Variants in LRRC69 observed in about 807,000 individuals in gnomAD.
LRRC69 encodes the protein leucine rich repeat containing 69.
In LRRC69, 42 loss-of-function variants were observed where a neutral mutation model predicts 37.8. That is an observed-to-expected ratio of 1.11 (90% confidence interval 0.87 to 1.44). The LOEUF is 1.44. Among genes scored for constraint, LRRC69 ranks in the 40% most tolerant of loss-of-function variants. The pLI is 0.00. For missense variants in LRRC69, 357 were observed against 401.9 expected (o/e 0.89, Z 0.96); for synonymous variants, 141 against 143.1 (o/e 0.99, Z 0.11).
At chr8:91,197,437 C>T (rs1490996582) in intron 6 of LRRC69, among the ~76,000 whole-genome samples, 1 of 152,148 alleles carries the variant, frequency 6.6e-6, no homozygotes, top group South Asian at 2.1e-4. Flanking sequence ...CGCCCCTCCC[C>T]CAGCCTCGCT....
At chr8:91,136,422 A>G (rs766854073) in intron 5 of LRRC69, among the ~76,000 whole-genome samples, 1 of 152,010 alleles carries the variant, frequency 6.6e-6, no homozygotes, top group African/African-American at 2.4e-5. Flanking sequence ...GCAATATTTT[A>G]TACTGAAGGT....
intron 5 of LRRC69, among the ~76,000 whole-genome samples, chr8:91,155,195 C>T (rs1203192176): frequency 6.6e-6 from 1 of 150,912 alleles, no homozygotes; most frequent in Non-Finnish European, 1.5e-5. Flanking sequence ...TCAAGGAGAA[C>T]CATTTGTCTA....
intron 1 of LRRC69, among the ~76,000 whole-genome samples, chr8:91,124,024 A>G (rs777682723): frequency 5.1e-4 from 77 of 151,926 alleles, no homozygotes; most frequent in Admixed American, 2.6e-3. Flanking sequence ...GGCTGTGTAC[A>G]TGTAATAGAG....
At chr8:91,179,024 A>G (rs1260646370) in intron 5 of LRRC69, among the ~76,000 whole-genome samples, 1 of 152,238 alleles carries the variant, frequency 6.6e-6, no homozygotes, top group Non-Finnish European at 1.5e-5. Flanking sequence ...TATATTCTGC[A>G]TCTGTAAATA....
At chr8:91,177,324 T>C (rs1304955412) in intron 5 of LRRC69, among the ~76,000 whole-genome samples, 1 of 152,162 alleles carries the variant, frequency 6.6e-6, no homozygotes, top group Non-Finnish European at 1.5e-5. Flanking sequence ...GTGAAGATAT[T>C]CTAGGAAAGA....
Position 91,151,050 on chromosome 8 carries a change from T to G in LRRC69, c.651+15311T>G, listed in dbSNP as rs549639436. 1.4e-4 allele frequency among the ~76,000 whole-genome samples: 21 copies of G among 151,832 alleles called. 1 individual carries two copies. The South Asian group carries it at 4.4e-3, about 32-fold the overall frequency. On this transcript the variant is annotated intron_variant, in intron 5 of 7. Transcript: ENST00000448384. The stretch of plus-strand genomic sequence containing the variant: ...TCAAAAAACCAGCTCCTGGATTCAT[T>G]GATTTTTTGAAGGGTTTTTTGTGTC...
At chr8:91,111,500 C>G (rs1363875936) in intron 1 of LRRC69, among the ~76,000 whole-genome samples, 1 of 151,974 alleles carries the variant, frequency 6.6e-6, no homozygotes, top group Non-Finnish European at 1.5e-5. Context: ...TGCCACTGCA[C>G]TCCAGCCTGG....
intron 7 of LRRC69, among the ~76,000 whole-genome samples, chr8:91,204,702 G>A (rs906578637): frequency 6.6e-6 from 1 of 152,216 alleles, no homozygotes; most frequent in African/African-American, 2.4e-5. Context: ...TGCTGATAAT[G>A]TATTCTTACT....
chr8:91,140,556 A>G (rs182977593), intron 5 of LRRC69, among the ~76,000 whole-genome samples: 1 of 152,024 alleles, frequency 6.6e-6, no homozygotes, highest in Admixed American at 6.6e-5. Flanking sequence ...ATACTGCATA[A>G]AGAAATACGT....
chr8:91,116,772 A>G (rs1813517908), intron 1 of LRRC69, among the ~76,000 whole-genome samples: 1 of 151,798 alleles, frequency 6.6e-6, no homozygotes, highest in South Asian at 2.1e-4. Flanking sequence ...TCAGCTTGGC[A>G]CAGTGTTTCA....
At chr8:91,203,208 A>AGT (rs142831953) in intron 7 of LRRC69, among the ~76,000 whole-genome samples, 1 of 151,424 alleles carries the variant, frequency 6.6e-6, no homozygotes. Context: ...GTTAGCTGTG[A>AGT]GTGTGTGTGT....
At chr8:91,182,005 G>T (rs1042788854) in intron 5 of LRRC69, among the ~76,000 whole-genome samples, 1 of 152,076 alleles carries the variant, frequency 6.6e-6, no homozygotes, top group Non-Finnish European at 1.5e-5. Flanking sequence ...TATCAGCTTT[G>T]ATATTGACAG....
chr8:91,191,286 A>G lies in LRRC69; in HGVS notation c.753+1663A>G, dbSNP rs79648651. ...ACATCTCATTTGAAATTTAATAGTA[A>G]ATAATTTGAGTAACAGTTGTATTTA... On this transcript the variant is annotated intron_variant, in intron 6 of 7. Transcript: ENST00000448384. 1.0e-2 allele frequency among the ~76,000 whole-genome samples: 1,517 copies of G among 152,146 alleles called. 33 individuals carry two copies. Among genetic ancestry groups the G allele is most frequent in the African/African-American group, 0.035 (1,449 of 41,516 alleles).
intron 6 of LRRC69, among the ~76,000 whole-genome samples, chr8:91,199,889 TTAC>T (rs1185098406): frequency 6.6e-6 from 1 of 152,220 alleles, no homozygotes; most frequent in African/African-American, 2.4e-5. Flanking sequence ...TTCCATTTTC[TTAC>T]TTCCTCCCTT....
intron 6 of LRRC69, among the ~76,000 whole-genome samples, chr8:91,193,329 G>C (rs1301638509): frequency 1.4e-5 from 2 of 143,274 alleles, no homozygotes; most frequent in Non-Finnish European, 3.1e-5. Flanking sequence ...TTGGCCATGC[G>C]GGCTCTTTTT....
chr8:91,184,007 A>T (rs528771622), intron 5 of LRRC69, among the ~76,000 whole-genome samples: 1 of 152,310 alleles, frequency 6.6e-6, no homozygotes, highest in East Asian at 1.9e-4. Context: ...GAGGCTTGGC[A>T]CGTGTCTCAC....
At chr8:91,174,012 A>T (rs570209497) in intron 5 of LRRC69, among the ~76,000 whole-genome samples, 1 of 25,218 alleles carries the variant, frequency 4.0e-5, no homozygotes, top group East Asian at 8.2e-4. Context: ...TGACTTGCCT[A>T]CTTTAGACAA....
At chr8:91,131,313 A>G (rs1586235340) in intron 3 of LRRC69, among the ~76,000 whole-genome samples, 2 of 151,372 alleles carry the variant, frequency 1.3e-5, no homozygotes, top group African/African-American at 4.8e-5. Context: ...GGCTCAAGCA[A>G]TCCTTCCACC....
intron 5 of LRRC69, among the ~76,000 whole-genome samples, chr8:91,138,217 T>C (rs1012959725): frequency 2.6e-5 from 4 of 152,004 alleles, no homozygotes; most frequent in Non-Finnish European, 5.9e-5. Context: ...AAGTAATATA[T>C]AATTATAGCA....
Sources: gnomAD v4.1 joint callset for allele counts (sites outside exome capture counted in the v4.1 genomes callset) on GRCh38, gnomAD v4.1.1 for gene constraint, MANE v1.5 for transcripts, NCBI Gene and HGNC (gene_info 2026-07-23, HGNC 2026-07-21) for gene names.